The following MED24 variants were observed in gnomAD, a reference collection of about 807,000 sequenced individuals.
MED24 encodes mediator complex subunit 24, also known as mediator of RNA polymerase II transcription subunit 24.
In MED24, 74 loss-of-function variants were observed where a neutral mutation model predicts 118.8. The observed-to-expected ratio is 0.62, with a 90% CI of 0.52 to 0.76. The LOEUF (loss-of-function observed/expected upper bound fraction) is 0.76. Ranked by LOEUF, MED24 falls within the 30% of genes least tolerant of loss-of-function variation. The probability of loss-of-function intolerance (pLI) is 0.00; values close to 1 mark genes in which losing one functional copy is unlikely to be tolerated. For synonymous variants in MED24, 521 were observed against 523.9 expected (o/e 0.99, Z 0.08); for missense variants, 1,041 against 1,278.9 (o/e 0.81, Z 2.84).
rs374920213 is a variant in MED24, at chr17:40,023,258, T to C, written c.2123A>G (p.Lys708Arg). Residue 708 changes from lysine (K) to arginine (R), a missense_variant, in exon 20 of 26, where the codon AAA becomes AGA. Transcript: ENST00000394128. ...WNLLPPKRPIKEVLTDIFAKV... is the reference protein window; with the variant it reads ...WNLLPPKRPIREVLTDIFAKV... ...GGCAAAAATGTCCGTCAGCACCTCTTTGATGGGCCGCTTGGGGGGCAGCAG... is the reference window on the plus strand; with the variant it reads ...GGCAAAAATGTCCGTCAGCACCTCTCTGATGGGCCGCTTGGGGGGCAGCAG... 21 of 1,614,000 alleles carry C rather than the reference T, an allele frequency of 1.3e-5. No homozygotes were observed. Among genetic ancestry groups the C allele is most frequent in the Middle Eastern group, 1.6e-4 (1 of 6,084 alleles).
chr17:40,020,291 G>T lies in MED24; in HGVS notation c.2686C>A (p.Pro896Thr). ...SQLHTVNMRD[P>T]LNRVLANLFL... ...AACTCACCCAGGACTCGGTTCAGAG[G>T]GTCCCGCATGTTGACCGTGTGGAGC... Residue 896 changes from proline to threonine, a missense_variant, in exon 24 of 26, where the codon CCT becomes ACT. Coordinates refer to ENST00000394128, the MANE Select transcript of MED24 (RefSeq NM_014815.4). The T allele has an allele frequency of 6.4e-7, 1 of 1,565,732 alleles. No homozygotes were observed. Among genetic ancestry groups the T allele is most frequent in the East Asian group, 2.3e-5 (1 of 44,124 alleles).
Position 40,033,268 on chromosome 17 carries a change from G to A in MED24, c.672-62C>T, listed in dbSNP as rs1298306945. The A allele has an allele frequency of 3.7e-6, 6 of 1,611,996 alleles. No individual in the cohort carries two copies. The Admixed American group carries it at 8.3e-5, about 22-fold the overall frequency. On this transcript the variant is annotated intron_variant, in intron 7 of 25. Transcript: ENST00000394128. The surrounding 1 kb of genome is among the most constrained non-coding windows in gnomAD (Gnocchi z 5.2). ...GGCCAAAGGTGAAGGCGGAGAGGAT[G>A]GCACGGGTGCCACATCTTCCTACCC...
Position 40,032,882 on chromosome 17 carries a change from C to A in MED24, c.823-120G>T, listed in dbSNP as rs1360317682. 3.0e-6 allele frequency: 4 copies of A among 1,314,768 alleles called. No individual in the cohort carries two copies. In the East Asian group the frequency reaches 9.5e-5, roughly 31 times the overall value. 81.4% of individuals were successfully genotyped at this position (1,314,768 alleles called of 1,614,324 possible). A position where few individuals can be genotyped will look rare whatever the true frequency, so the allele number is the denominator to read the frequency against. ...GGCAGAGTCACTGCTCAGCTATGTG[C>A]TGAGAACCAGGGGAGTAAGGTCCAA... On this transcript the variant is annotated intron_variant, in intron 8 of 25. Coordinates refer to ENST00000394128, the MANE Select transcript of MED24 (RefSeq NM_014815.4).
intron 3 of MED24, among the ~76,000 whole-genome samples, chr17:40,042,016 C>T (rs1568171539): frequency 6.6e-6 from 1 of 152,120 alleles, no homozygotes; most frequent in Non-Finnish European, 1.5e-5. Flanking sequence ...ATGAGAGAGA[C>T]CATTCAGTCT....
In MED24 at chr17:40,027,900, C is replaced by A. The variant is rs745934892; in HGVS notation, c.1447+9G>T. 1 of 1,613,136 alleles carries A rather than the reference C, an allele frequency of 6.2e-7. No individual in the cohort carries two copies. On this transcript the variant is annotated intron_variant, in intron 15 of 25. Transcript: ENST00000394128. The stretch of plus-strand genomic sequence containing the variant: ...CCACTGGGCCTGCGGATGCACAGGG[C>A]TGACTTACTGCTTTCTTCGCTGCCA...
Position 40,022,719 on chromosome 17 carries a change from G to A in MED24, c.2358C>T (p.His786=), listed in dbSNP as rs749752609. 8.7e-6 allele frequency: 14 copies of A among 1,613,984 alleles called. No homozygotes were observed. The highest frequency in any genetic ancestry group is 1.2e-5 in the Non-Finnish European group (14 of 1,179,986). The change falls in exon 21 of 26, where the codon CAC becomes CAT. Residue 786 remains histidine (H), a synonymous_variant. Transcript: ENST00000394128. The stretch of plus-strand genomic sequence containing the variant: ...AGTCAGTGAGCAGGCCAGGTAGGAT[G>A]TGGCCCAGCAGGACCAGGGTCACTT... The part of the protein sequence containing the change: ...MQQVTLVLLG[H]ILPGLLTDSS...
intron 3 of MED24, among the ~76,000 whole-genome samples, chr17:40,050,279 T>A (rs1243549862): frequency 6.6e-6 from 1 of 151,302 alleles, no homozygotes; most frequent in African/African-American, 2.4e-5. Flanking sequence ...TAAAACCCCG[T>A]CTCTACTAAA....
chr17:40,039,135 C>T (rs1213802961), intron 3 of MED24, among the ~76,000 whole-genome samples: 3 of 152,304 alleles, frequency 2.0e-5, no homozygotes, highest in Non-Finnish European at 1.5e-5. Flanking sequence ...ATGCATGTTC[C>T]GAGGGATGCC....
At chr17:40,042,933 T>C (rs1269182115) in intron 3 of MED24, among the ~76,000 whole-genome samples, 1 of 152,130 alleles carries the variant, frequency 6.6e-6, no homozygotes, top group Non-Finnish European at 1.5e-5. Flanking sequence ...AGAATATATT[T>C]TTCATTTTAT....
chr17:40,019,833 C>T lies in MED24; in HGVS notation c.2805G>A (p.Leu935=). The change falls in exon 25 of 26, where the codon CTG becomes CTA. Residue 935 remains leucine, a synonymous_variant. Coordinates refer to ENST00000394128, the MANE Select transcript of MED24 (RefSeq NM_014815.4). ...GGACGCTGCCACGGCCACCCTGCTC[C>T]AGGCAGTCCACACACTCCTCCATGA... ...QWFMEECVDC[L]EQGGRGSVLQ... 6.2e-7 allele frequency: 1 copy of T among 1,601,064 alleles called. No individual in the cohort carries two copies. Among genetic ancestry groups the T allele is most frequent in the Non-Finnish European group, 8.5e-7 (1 of 1,173,506 alleles).
Position 40,035,259 on chromosome 17 carries a change from T to C in MED24, c.417A>G (p.Ala139=). Residue 139 remains alanine (A), a synonymous_variant, in exon 6 of 26, where the codon GCA becomes GCG. Coordinates refer to ENST00000394128, the MANE Select transcript of MED24 (RefSeq NM_014815.4). ...HWLLRCTAAS[A]ERLREGLEAG... is the part of the protein sequence containing the mutation. ...CCTCCAGCCCCTCCCGCAGCCGCTC[T>C]GCAGAGGCTGCCGTGCAGCGCAGCA... The C allele has an allele frequency of 6.2e-7, 1 of 1,613,866 alleles. No homozygotes were observed. The highest frequency in any genetic ancestry group is 8.5e-7 in the Non-Finnish European group (1 of 1,179,934).
At position 40,019,633 on chromosome 17, in the gene MED24, C is replaced by A. The variant is rs776539281; in HGVS notation, c.2866G>T (p.Val956Leu). The A allele has an allele frequency of 6.3e-7, 1 of 1,595,918 alleles. No individual in the cohort carries two copies. Among genetic ancestry groups the A allele is most frequent in the Non-Finnish European group, 8.6e-7 (1 of 1,168,138 alleles). The change falls in exon 26 of 26, where the codon GTG (valine) becomes TTG (leucine). Residue 956 changes from valine (V) to leucine (L), a missense_variant. Physicochemically the swap from Val to Leu is conservative, Grantham distance 32 (BLOSUM62 1). Around this residue, in one of 3 missense-constraint regions of MED24, gnomAD observed 587 missense variants for 694.4 expected, o/e 0.85. Transcript: ENST00000394128. The stretch of plus-strand genomic sequence containing the variant: ...GGGCTGGACATGGCTGACACCTTCA[C>A]CAGTTCCGACACCTGCCACGGACAG... ...FMPFTTVSEL[V>L]KVSAMSSPKV...
chr17:40,020,051 A>T, intron 24 of MED24, 118 bp from the exon 25 acceptor site: 1 of 1,286,136 alleles, frequency 7.8e-7, no homozygotes, highest in Non-Finnish European at 1.1e-6. Flanking sequence ...ATGTCCCCAA[A>T]ATGGGGTGTC....
intron 10 of MED24, 99 bp downstream of exon 10, chr17:40,031,944 C>G (rs1486890115): frequency 7.3e-7 from 1 of 1,365,360 alleles, no homozygotes; most frequent in Non-Finnish European, 1.0e-6. Flanking sequence ...ACATCCGGCT[C>G]TCTTCCAGGC....
intron 3 of MED24, among the ~76,000 whole-genome samples, chr17:40,052,784 A>G (rs1350732846): frequency 1.3e-5 from 2 of 150,832 alleles, no homozygotes; most frequent in African/African-American, 4.8e-5. Flanking sequence ...GAATAAGTGA[A>G]TGTAATATTC....
In MED24 at chr17:40,033,143, G is replaced by A. The variant is rs138006865; in HGVS notation, c.735C>T (p.His245=). The A allele has an allele frequency of 4.3e-4, 702 of 1,614,140 alleles. No individual in the cohort carries two copies. The highest frequency in any genetic ancestry group is 1.9e-3 in the African/African-American group (143 of 75,054). Residue 245 remains histidine, a synonymous_variant, in exon 8 of 26, where the codon CAC becomes CAT. Coordinates refer to ENST00000394128, the MANE Select transcript of MED24 (RefSeq NM_014815.4). The surrounding 1 kb of genome is among the most constrained non-coding windows in gnomAD (Gnocchi z 5.2). ...QMHKTGFPTV[H]AVILLEGTMN... is the part of the protein sequence containing the mutation. ...TGGTGCCCTCGAGCAGGATCACGGCGTGGACAGTGGGGAAGCCGGTCTTGT... is the reference window on the plus strand; with the variant it reads ...TGGTGCCCTCGAGCAGGATCACGGCATGGACAGTGGGGAAGCCGGTCTTGT...
At position 40,019,249 on chromosome 17, in the gene MED24, C is replaced by T. The variant is rs1981647589; in HGVS notation, c.*280G>A. 1 of 469,806 alleles carries T rather than the reference C, an allele frequency of 2.1e-6. No homozygotes were observed. The allele number at this position is 469,806 out of a possible 1,614,324, so 29.1% of individuals were successfully genotyped here. ...AAGTTCCTCAGAGGTAAGACTACTC[C>T]TGGGCTGGGGCGGGCGCACACAGGG... On this transcript the variant is annotated 3_prime_UTR_variant, in exon 26 of 26. Transcript: ENST00000394128.
intron 3 of MED24, among the ~76,000 whole-genome samples, chr17:40,048,085 TC>T (rs1308074710): frequency 1.3e-5 from 2 of 152,250 alleles, no homozygotes; most frequent in African/African-American, 4.8e-5. Context: ...TTTACGGAAG[TC>T]TTGTCATGTG....
chr17:40,045,155 A>G (rs1985021804), intron 3 of MED24, among the ~76,000 whole-genome samples: 3 of 152,040 alleles, frequency 2.0e-5, no homozygotes, highest in African/African-American at 7.2e-5. Context: ...AAATTAAAGT[A>G]CATATGGGCT....
Sources: allele counts gnomAD v4.1 joint callset (sites outside exome capture counted in the v4.1 genomes callset), GRCh38; gene constraint gnomAD v4.1.1; regional missense constraint gnomAD v4.1.1; non-coding constraint Gnocchi (gnomAD v3.1); transcripts MANE v1.5; gene names NCBI Gene and HGNC (gene_info 2026-07-23, HGNC 2026-07-21).